Variants in NPHS1 observed in about 807,000 individuals in gnomAD.
NPHS1 encodes the protein nephrin.
Under a neutral mutation model 139.7 loss-of-function variants are expected in NPHS1, and 107 were observed. The ratio of observed to expected loss-of-function variants is 0.77; its 90% confidence interval spans 0.66 to 0.90. The LOEUF is 0.90. Among genes scored for constraint, NPHS1 ranks in the 40% least tolerant of loss-of-function variants. NPHS1 has a pLI of 0.00. For synonymous variants in NPHS1, 707 were observed against 706.6 expected (o/e 1.00, Z -0.01); for missense variants, 1,580 against 1,654.2 (o/e 0.96, Z 0.78).
In NPHS1 at chr19:35,831,462, A is replaced by T; in HGVS notation, c.3311+14T>A. 1 of 1,613,866 alleles carries T rather than the reference A, an allele frequency of 6.2e-7. No homozygotes were observed. The highest frequency in any genetic ancestry group is 8.5e-7 in the Non-Finnish European group (1 of 1,179,960). ...CCCTCAGAGCCTTCTTTACAGAAAA[A>T]TATCCCCACTTACCCTGCCTCTGTC... On this transcript the variant is annotated intron_variant, in intron 25 of 28. Transcript: ENST00000378910.
At chr19:35,829,014 C>T (rs990025199) in intron 28 of NPHS1, among the ~76,000 whole-genome samples, 16 of 152,252 alleles carry the variant, frequency 1.1e-4, no homozygotes, top group Admixed American at 9.8e-4. Flanking sequence ...GGTTCTGTCC[C>T]ATCTCCCTAA....
At position 35,831,162 on chromosome 19, in the gene NPHS1, A is replaced by C; in HGVS notation, c.3388-16T>G. ...TTGTGCTGACCTGTTCCCCACACGC[A>C]AAACAAACAAAGCCCTTTCCATCCT... On this transcript the variant is annotated splice_polypyrimidine_tract_variant and intron_variant, in intron 26 of 28. Coordinates refer to ENST00000378910, the MANE Select transcript of NPHS1 (RefSeq NM_004646.4). The C allele has an allele frequency of 6.2e-7, 1 of 1,613,580 alleles. No homozygotes were observed. The highest frequency in any genetic ancestry group is 8.5e-7 in the Non-Finnish European group (1 of 1,179,740).
Position 35,849,579 on chromosome 19 carries a change from A to G in NPHS1, c.683T>C (p.Ile228Thr), listed in dbSNP as rs975412300. The G allele has an allele frequency of 6.2e-7, 1 of 1,613,932 alleles. No individual in the cohort carries two copies. Among genetic ancestry groups the G allele is most frequent in the African/African-American group, 1.3e-5 (1 of 74,910 alleles). Reference sequence around the variant, plus strand: ...AACATTCACGGTGAATGAGGCCTTGATGGGGGCCTCCAGTGCTGGGCTAGA... The same window carrying G: ...AACATTCACGGTGAATGAGGCCTTGGTGGGGGCCTCCAGTGCTGGGCTAGA... ...EASSPALEAP[I>T]KASFTVNVLF... Residue 228 changes from isoleucine (I) to threonine (T), a missense_variant, in exon 6 of 29, where the codon ATC becomes ACC. Coordinates refer to ENST00000378910, the MANE Select transcript of NPHS1 (RefSeq NM_004646.4).
In NPHS1 at chr19:35,851,367, T is replaced by C. The variant is rs1568457541; in HGVS notation, c.292A>G (p.Ile98Val). Residue 98 changes from isoleucine (I) to valine (V), a missense_variant, in exon 3 of 29, where the codon ATC (isoleucine) becomes GTC (valine). Ile to Val is a conservative substitution (Grantham distance 29). Coordinates refer to ENST00000378910, the MANE Select transcript of NPHS1 (RefSeq NM_004646.4). ...TCATCGCTGAGGTCACAGGCCTCGA[T>C]GTGCAGGTGGAATTCACCTGCAGGG... Reference protein sequence around the residue: ...DPARGEFHLHIEACDLSDDAE... With the variant: ...DPARGEFHLHVEACDLSDDAE... 2.5e-6 allele frequency: 4 copies of C among 1,613,300 alleles called. No homozygotes were observed. Among genetic ancestry groups the C allele is most frequent in the East Asian group, 2.2e-5 (1 of 44,858 alleles).
intron 16 of NPHS1, 110 bp downstream of exon 16, chr19:35,843,993 T>C (rs1973097471): frequency 1.2e-5 from 18 of 1,458,526 alleles, no homozygotes; most frequent in Non-Finnish European, 1.6e-5. Context: ...AACGGGAGGG[T>C]TCCAGGATGG....
intron 23 of NPHS1, among the ~76,000 whole-genome samples, chr19:35,833,698 T>A (rs1599837061): frequency 6.6e-6 from 1 of 151,992 alleles, no homozygotes; most frequent in South Asian, 2.1e-4. Flanking sequence ...TACCAAGACT[T>A]TTTCTTTTTT....
chr19:35,844,180 G>T lies in NPHS1; in HGVS notation c.2135C>A (p.Ala712Glu). The stretch of plus-strand genomic sequence containing the variant: ...GTGCAGCTGATAGAGGCCGTCGTCC[G>T]CGCGGGTCACATTCCACAGATGCAG... ...GALHLWNVTR[A>E]DDGLYQLHCQ... is the part of the protein sequence containing the mutation. The change falls in exon 16 of 29, where the codon GCG (alanine) becomes GAG (glutamate). Residue 712 changes from alanine to glutamate, a missense_variant. Coordinates refer to ENST00000378910, the MANE Select transcript of NPHS1 (RefSeq NM_004646.4). 6.2e-7 allele frequency: 1 copy of T among 1,611,362 alleles called. No homozygotes were observed. Among genetic ancestry groups the T allele is most frequent in the Non-Finnish European group, 8.5e-7 (1 of 1,179,992 alleles).
intron 20 of NPHS1, among the ~76,000 whole-genome samples, chr19:35,840,128 C>G (rs1231456741): frequency 6.6e-6 from 1 of 151,486 alleles, no homozygotes; most frequent in Non-Finnish European, 1.5e-5. Context: ...CCTCAGCCTC[C>G]CGAGTAGCTG....
At chr19:35,831,811 G>C (rs555455361) in intron 23 of NPHS1, 49 bp from the exon 24 acceptor site, 1 of 1,543,706 alleles carries the variant, frequency 6.5e-7, no homozygotes, top group Non-Finnish European at 8.7e-7. Flanking sequence ...CAGGCTGTAG[G>C]CCAGGGGTGG....
In NPHS1 at chr19:35,826,641, G is replaced by T. The variant is rs780296540; in HGVS notation, c.3599C>A (p.Pro1200His). 1.9e-6 allele frequency: 3 copies of T among 1,613,928 alleles called. No individual in the cohort carries two copies. In the African/African-American group the frequency reaches 4.0e-5, roughly 22 times the overall value. The change falls in exon 29 of 29, where the codon CCC becomes CAC. Residue 1200 changes from proline to histidine, a missense_variant. Physicochemically the swap from Pro to His is moderately conservative, Grantham distance 77 (BLOSUM62 -2). Transcript: ENST00000378910. ...GPLYDEVQMG[P>H]WDLHWPEDTY... is the part of the protein sequence containing the mutation. ...GTCTTCAGGCCAGTGGAGGTCCCAG[G>T]GTCCCTGACAGGCAAAAAGTGGAGT...
At chr19:35,830,617 C>G (rs1425886490) in intron 28 of NPHS1, among the ~76,000 whole-genome samples, 1 of 152,226 alleles carries the variant, frequency 6.6e-6, no homozygotes. Flanking sequence ...CTATATTGCC[C>G]AGGCTCGTCT....
In NPHS1 at chr19:35,831,083, G is replaced by C; in HGVS notation, c.3451C>G (p.Pro1151Ala). Residue 1151 changes from proline to alanine, a missense_variant, in exon 27 of 29, where the codon CCG becomes GCG. Coordinates refer to ENST00000378910, the MANE Select transcript of NPHS1 (RefSeq NM_004646.4). ...GAATAAGACACCTCCTCCTGCGTCG[G>C]GGGCAGCTGGGGGCTGAAGTCCCTC... ...SLRDFSPQLP[P>A]TQEEVSYSRG... is the part of the protein sequence containing the mutation. The C allele has an allele frequency of 6.2e-7, 1 of 1,614,134 alleles. No individual in the cohort carries two copies. Among genetic ancestry groups the C allele is most frequent in the Non-Finnish European group, 8.5e-7 (1 of 1,180,028 alleles).
chr19:35,839,723 CA>C (rs1973027032), intron 20 of NPHS1, 116 bp from the exon 21 acceptor site: 2 of 811,854 alleles, frequency 2.5e-6, no homozygotes, highest in Admixed American at 2.0e-5. Flanking sequence ...TTGTTCATAG[CA>C]TACTCATGTT....
At chr19:35,828,104 A>G (rs942947057) in intron 28 of NPHS1, among the ~76,000 whole-genome samples, 2 of 152,142 alleles carry the variant, frequency 1.3e-5, no homozygotes, top group Non-Finnish European at 2.9e-5. Flanking sequence ...AAGAACATGA[A>G]TGGTAGCCCT....
chr19:35,829,642 G>A (rs1376813133), intron 28 of NPHS1, among the ~76,000 whole-genome samples: 9 of 151,872 alleles, frequency 5.9e-5, no homozygotes, highest in African/African-American at 7.3e-5. Context: ...GGGTTCAAGC[G>A]ATTCTCCTGC....
In NPHS1 at chr19:35,845,765, G is replaced by A; in HGVS notation, c.1661C>T (p.Ala554Val). Residue 554 changes from alanine (A) to valine (V), a missense_variant, in exon 13 of 29, where the codon GCA (alanine) becomes GTA (valine). By Grantham distance (64) the Ala-to-Val change is moderately conservative (BLOSUM62 0). Coordinates refer to ENST00000378910, the MANE Select transcript of NPHS1 (RefSeq NM_004646.4). This position sits in a 1 kb window ranked among gnomAD's most constrained non-coding sequence, Gnocchi z 5.5. ...GGCGTCTCCCGGGCGCAGTGCGGAT[G>A]CGTTGGCCAGGATCGTCACGTTAGT... ...PPTNVTILAN[A>V]SALRPGDALN... 2 of 1,614,110 alleles carry A rather than the reference G, an allele frequency of 1.2e-6. No individual in the cohort carries two copies. Among genetic ancestry groups the A allele is most frequent in the South Asian group, 2.2e-5 (2 of 91,080 alleles).
chr19:35,832,024 G>A (rs1972892722), intron 23 of NPHS1, among the ~76,000 whole-genome samples: 2 of 152,220 alleles, frequency 1.3e-5, no homozygotes, highest in African/African-American at 4.8e-5. Context: ...GGGAGCTTCA[G>A]CTCGTTAGCT....
rs1303226661 is a variant in NPHS1, at chr19:35,831,384, A to T, written c.3312-13T>A. The T allele has an allele frequency of 6.2e-7, 1 of 1,614,020 alleles. No individual in the cohort carries two copies. Among genetic ancestry groups the T allele is most frequent in the Non-Finnish European group, 8.5e-7 (1 of 1,179,952 alleles). On this transcript the variant is annotated splice_polypyrimidine_tract_variant and intron_variant, in intron 25 of 28. Transcript: ENST00000378910. ...GTCCTCTTCCGACCTTCCAGGATGA[A>T]GGTGTGGGGGGAAGTTGAGTGCTGC... is the stretch of plus-strand genomic sequence containing the variant.
intron 22 of NPHS1, among the ~76,000 whole-genome samples, chr19:35,838,926 A>C (rs1313217364): frequency 6.6e-6 from 1 of 152,210 alleles, no homozygotes; most frequent in Non-Finnish European, 1.5e-5. Context: ...TTTCCCTCTA[A>C]GTACTGCTTT....
Sources: gnomAD v4.1 joint callset for allele counts (sites outside exome capture counted in the v4.1 genomes callset) on GRCh38, gnomAD v4.1.1 for gene constraint, Gnocchi (gnomAD v3.1) non-coding constraint, MANE v1.5 for transcripts, NCBI Gene and HGNC (gene_info 2026-07-23, HGNC 2026-07-21) for gene names.